MYO5B: variants seen among roughly 807,000 people sequenced by gnomAD.
MYO5B encodes the protein myosin VB.
Under a neutral mutation model 229.3 loss-of-function variants are expected in MYO5B, and 143 were observed. The observed-to-expected ratio is 0.62, with a 90% CI of 0.54 to 0.72. MYO5B has a LOEUF of 0.72. Ranked by LOEUF, MYO5B falls within the 30% of genes least tolerant of loss-of-function variation. The probability of loss-of-function intolerance (pLI) is 0.00; values close to 1 mark genes in which losing one functional copy is unlikely to be tolerated. For synonymous variants in MYO5B, 918 were observed against 885.2 expected (o/e 1.04, Z -0.66); for missense variants, 2,321 against 2,331.0 (o/e 1.00, Z 0.09).
chr18:50,125,245 C>A (rs113825283), intron 1 of MYO5B, among the ~76,000 whole-genome samples: 3,869 of 152,052 alleles, frequency 0.025, 164 homozygotes, highest in African/African-American at 0.089. Flanking sequence ...AGCTGGAAAC[C>A]ATCATTCCGA....
At chr18:49,965,692 G>A (rs768134257) in intron 10 of MYO5B, among the ~76,000 whole-genome samples, 1 of 152,194 alleles carries the variant, frequency 6.6e-6, no homozygotes, top group Non-Finnish European at 1.5e-5. Context: ...CAAGGCCAGA[G>A]AGTCGGTAGG....
intron 18 of MYO5B, among the ~76,000 whole-genome samples, chr18:49,909,834 G>A (rs1460579890): frequency 1.3e-5 from 2 of 152,144 alleles, no homozygotes; most frequent in African/African-American, 4.8e-5. Flanking sequence ...TGCAGGCAGA[G>A]GAAACAGCAT....
intron 15 of MYO5B, 119 bp downstream of exon 15, chr18:49,937,126 G>C: frequency 8.2e-7 from 1 of 1,214,582 alleles, no homozygotes; most frequent in Non-Finnish European, 1.2e-6. Context: ...GGATGGCTGA[G>C]GCTACTGATG....
At chr18:50,096,006 T>G (rs537666680) in intron 1 of MYO5B, among the ~76,000 whole-genome samples, 9 of 152,314 alleles carry the variant, frequency 5.9e-5, no homozygotes, top group Non-Finnish European at 1.2e-4. Flanking sequence ...AATTCACTTC[T>G]GCTACCAGGG....
intron 1 of MYO5B, among the ~76,000 whole-genome samples, chr18:50,062,916 G>A (rs555709918): frequency 6.6e-6 from 1 of 152,074 alleles, no homozygotes; most frequent in African/African-American, 2.4e-5. Context: ...TCTGAGGCTC[G>A]GCTTCCTCAG....
chr18:50,053,974 T>G (rs1178419281), intron 2 of MYO5B, among the ~76,000 whole-genome samples: 2 of 152,118 alleles, frequency 1.3e-5, no homozygotes, highest in East Asian at 3.8e-4. Flanking sequence ...TACCAACCAT[T>G]TTCTTCCAAA....
intron 1 of MYO5B, among the ~76,000 whole-genome samples, chr18:50,131,879 T>C (rs888433759): frequency 6.6e-6 from 1 of 152,214 alleles, no homozygotes; most frequent in Non-Finnish European, 1.5e-5. Flanking sequence ...ACTCTAATTA[T>C]TCAGCAGGCT....
At chr18:49,947,405 G>A (rs925649073) in intron 14 of MYO5B, among the ~76,000 whole-genome samples, 3 of 152,238 alleles carry the variant, frequency 2.0e-5, no homozygotes, top group South Asian at 2.1e-4. Context: ...GCACCCAGCC[G>A]TAGTCACCAA....
At chr18:49,986,827 A>T (rs2025875252) in intron 7 of MYO5B, among the ~76,000 whole-genome samples, 2 of 152,190 alleles carry the variant, frequency 1.3e-5, no homozygotes, top group Admixed American at 6.5e-5. Context: ...AAGCAAACTG[A>T]GTAACATGGG....
At chr18:49,964,663 G>T (rs923343150) in intron 10 of MYO5B, among the ~76,000 whole-genome samples, 1 of 152,162 alleles carries the variant, frequency 6.6e-6, no homozygotes, top group Admixed American at 6.5e-5. Flanking sequence ...CATTACTACA[G>T]CTCAACATTT....
At chr18:50,182,293 G>A (rs1194480702) in intron 1 of MYO5B, among the ~76,000 whole-genome samples, 1 of 152,174 alleles carries the variant, frequency 6.6e-6, no homozygotes, top group Non-Finnish European at 1.5e-5. Context: ...CATCTAACAG[G>A]ACAGGTGGAT....
chr18:50,035,366 G>A (rs1039092698), intron 4 of MYO5B, among the ~76,000 whole-genome samples: 4 of 152,214 alleles, frequency 2.6e-5, no homozygotes, highest in Non-Finnish European at 5.9e-5. Context: ...TAAGAACCAA[G>A]CCACATCTAC....
intron 16 of MYO5B, among the ~76,000 whole-genome samples, chr18:49,934,338 C>T (rs2025226740): frequency 2.0e-5 from 3 of 152,206 alleles, no homozygotes; most frequent in African/African-American, 7.2e-5. Context: ...GGTATCATGA[C>T]ATGGTCAGTA....
intron 2 of MYO5B, among the ~76,000 whole-genome samples, chr18:50,050,661 G>T (rs551612313): frequency 6.9e-4 from 105 of 152,284 alleles, no homozygotes; most frequent in African/African-American, 2.4e-3. Context: ...AACACCTTCA[G>T]GCCTCAGAGA....
intron 1 of MYO5B, among the ~76,000 whole-genome samples, chr18:50,163,828 C>T (rs1342637880): frequency 6.6e-6 from 1 of 152,160 alleles, no homozygotes; most frequent in East Asian, 1.9e-4. Flanking sequence ...CTGGCAGTAA[C>T]AAAAGAGGAG....
intron 18 of MYO5B, 25 bp from the exon 19 acceptor site, chr18:49,906,655 G>T (rs760859319): frequency 1.3e-6 from 2 of 1,595,052 alleles, no homozygotes; most frequent in Admixed American, 1.7e-5. Context: ...GAGGGGATCT[G>T]GTTGGTCACC....
intron 1 of MYO5B, among the ~76,000 whole-genome samples, chr18:50,069,387 G>GTTAA (rs1299757773): frequency 1.3e-5 from 2 of 152,058 alleles, no homozygotes; most frequent in Non-Finnish European, 2.9e-5. Flanking sequence ...CGGCAGGGAC[G>GTTAA]TTAAGCACCA....
chr18:49,908,591 G>A (rs1169631126), intron 18 of MYO5B, among the ~76,000 whole-genome samples: 2 of 152,158 alleles, frequency 1.3e-5, no homozygotes, highest in Non-Finnish European at 2.9e-5. Flanking sequence ...CCTCTACACA[G>A]TGCTCACACA....
chr18:49,856,177 C>T (rs1220993427), intron 30 of MYO5B, among the ~76,000 whole-genome samples: 1 of 152,216 alleles, frequency 6.6e-6, no homozygotes, highest in Non-Finnish European at 1.5e-5. Context: ...GAACCAGGTT[C>T]AAATTCTGGA....
Sources: allele counts gnomAD v4.1 joint callset (sites outside exome capture counted in the v4.1 genomes callset), GRCh38; gene constraint gnomAD v4.1.1; transcripts MANE v1.5; gene names NCBI Gene and HGNC (gene_info 2026-07-23, HGNC 2026-07-21).